The following VAV1 variants were observed in gnomAD, a reference collection of about 807,000 sequenced individuals.
The protein encoded by VAV1 is proto-oncogene vav.
In VAV1, 33 loss-of-function variants were observed where a neutral mutation model predicts 128.1. The ratio of observed to expected loss-of-function variants is 0.26; its 90% CI spans 0.20 to 0.34. The LOEUF is 0.34. Among genes scored for constraint, VAV1 ranks in the 10% least tolerant of loss-of-function variants. The pLI is 1.00. For missense variants in VAV1, 715 were observed against 1,093.7 expected, an observed-to-expected ratio of 0.65 and a Z score of 4.88; for synonymous variants, 394 against 409.8, an observed-to-expected ratio of 0.96 and a Z score of 0.47.
intron 9 of VAV1, among the ~76,000 whole-genome samples, chr19:6,827,756 G>A (rs1210634470): frequency 2.2e-5 from 2 of 92,608 alleles, no homozygotes; most frequent in Non-Finnish European, 4.0e-5. Flanking sequence ...CTGCCACCAC[G>A]CCAGCTATTT....
intron 14 of VAV1, among the ~76,000 whole-genome samples, chr19:6,831,558 C>T (rs888193290): frequency 6.6e-6 from 1 of 152,144 alleles, no homozygotes; most frequent in Non-Finnish European, 1.5e-5. Context: ...GTGATCCGCC[C>T]ACCTCAGCCT....
intron 1 of VAV1, among the ~76,000 whole-genome samples, chr19:6,776,224 C>T (rs1195060571): frequency 6.7e-6 from 1 of 150,064 alleles, no homozygotes; most frequent in African/African-American, 2.5e-5. Context: ...ATCCATTTAT[C>T]CATCCACTCA....
At chr19:6,792,177 T>A (rs1971032640) in intron 1 of VAV1, among the ~76,000 whole-genome samples, 1 of 151,612 alleles carries the variant, frequency 6.6e-6, no homozygotes, top group African/African-American at 2.4e-5. Context: ...CATAGTGAGA[T>A]CCCACCTCTA....
chr19:6,856,664 C>T (rs1246326852), intron 26 of VAV1, among the ~76,000 whole-genome samples: 1 of 137,852 alleles, frequency 7.3e-6, no homozygotes, highest in Non-Finnish European at 1.5e-5. Context: ...GTGGAGGTTG[C>T]AATAAGCTGA....
At chr19:6,832,438 G>A (rs115729063) in intron 15 of VAV1, among the ~76,000 whole-genome samples, 5,002 of 150,508 alleles carry the variant, frequency 0.033, 304 homozygotes, top group African/African-American at 0.12. Flanking sequence ...CCTCTTTCTT[G>A]TTCTCCTCTC....
At chr19:6,829,044 G>A (rs909579855) in intron 13 of VAV1, 144 bp downstream of exon 13, 6 of 942,824 alleles carry the variant, frequency 6.4e-6, no homozygotes, top group Admixed American at 4.7e-5. Flanking sequence ...GGACAGGTGG[G>A]TGGAGTCGAC....
At chr19:6,791,511 C>A (rs1181677246) in intron 1 of VAV1, among the ~76,000 whole-genome samples, 3 of 152,296 alleles carry the variant, frequency 2.0e-5, no homozygotes, top group Non-Finnish European at 4.4e-5. Context: ...GATATCTCCT[C>A]ATTTTGAGGT....
chr19:6,803,251 G>A (rs1222500697), intron 1 of VAV1, among the ~76,000 whole-genome samples: 2 of 152,180 alleles, frequency 1.3e-5, no homozygotes, highest in Non-Finnish European at 2.9e-5. Flanking sequence ...AATCAGGGTT[G>A]CAGTCATCTT....
intron 21 of VAV1, among the ~76,000 whole-genome samples, chr19:6,839,348 G>T (rs1029240805): frequency 1.3e-5 from 2 of 151,548 alleles, no homozygotes; most frequent in Admixed American, 6.6e-5. Flanking sequence ...GGTGAAATTT[G>T]CACAGCATAA....
rs61750003 is a variant in VAV1 at position 6,833,532 on chromosome 19, A to G, written c.1615A>G (p.Thr539Ala). Residue 539 changes from threonine (T) to alanine (A), a missense_variant, in exon 17 of 27, where the codon ACC becomes GCC. Physicochemically the swap from Thr to Ala is moderately conservative, Grantham distance 58. Around this residue, in one of 3 missense-constraint regions of VAV1, gnomAD observed 407 missense variants for 580.6 expected, o/e 0.70. Transcript: ENST00000602142. Reference sequence around the variant, plus strand: ...TATGTGTTCCCTGCATCTCAGAGGTACCTTCTATCAGGGCTACCGCTGCCA... The same window carrying G: ...TATGTGTTCCCTGCATCTCAGAGGTGCCTTCTATCAGGGCTACCGCTGCCA... ...CKACQMLLRG[T>A]FYQGYRCHRC... is the part of the protein sequence containing the mutation. 1,327 of 1,602,064 alleles carry G rather than the reference A, an allele frequency of 8.3e-4. 1 individual carries two copies. Among genetic ancestry groups the G allele is most frequent in the Non-Finnish European group, 1.1e-3 (1,288 of 1,173,138 alleles).
intron 1 of VAV1, among the ~76,000 whole-genome samples, chr19:6,796,826 T>C (rs1226609356): frequency 6.6e-6 from 1 of 152,216 alleles, no homozygotes; most frequent in Non-Finnish European, 1.5e-5. Context: ...AATACCTTCA[T>C]TGTCTTCCTT....
chr19:6,843,005 G>A, intron 21 of VAV1, 130 bp from the exon 22 acceptor site: 1 of 984,752 alleles, frequency 1.0e-6, no homozygotes, highest in Non-Finnish European at 1.6e-6. Context: ...GTACCACAGT[G>A]CCTGGCACAT....
At chr19:6,842,124 C>T (rs1244652938) in intron 21 of VAV1, among the ~76,000 whole-genome samples, 1 of 151,988 alleles carries the variant, frequency 6.6e-6, no homozygotes, top group African/African-American at 2.4e-5. Flanking sequence ...TACCTGTAAT[C>T]CCAGCTGAGG....
intron 1 of VAV1, among the ~76,000 whole-genome samples, chr19:6,803,075 T>C (rs1392027161): frequency 1.3e-5 from 2 of 152,238 alleles, no homozygotes; most frequent in Non-Finnish European, 2.9e-5. Context: ...AAGCCCTAAA[T>C]TGGGGCTCAG....
intron 1 of VAV1, among the ~76,000 whole-genome samples, chr19:6,806,150 G>A (rs975927166): frequency 7.9e-5 from 12 of 152,066 alleles, no homozygotes; most frequent in African/African-American, 2.2e-4. Context: ...ACAGTGGCAC[G>A]ATCTCGGCTC....
intron 1 of VAV1, among the ~76,000 whole-genome samples, chr19:6,800,617 T>A (rs1189066554): frequency 6.9e-6 from 1 of 144,218 alleles, no homozygotes; most frequent in East Asian, 2.1e-4. Context: ...GCTTCTTTTT[T>A]TTGTTTTGTT....
chr19:6,847,543 G>A (rs555326276), intron 22 of VAV1, among the ~76,000 whole-genome samples: 157 of 152,222 alleles, frequency 1.0e-3, no homozygotes, highest in Non-Finnish European at 1.5e-3. Context: ...TATTGTATTA[G>A]AATACTGTTT....
At chr19:6,843,480 T>TTTTG (rs1168084306) in intron 22 of VAV1, among the ~76,000 whole-genome samples, 5 of 152,206 alleles carry the variant, frequency 3.3e-5, no homozygotes, top group South Asian at 2.1e-4. Context: ...GGATTTTTTG[T>TTTTG]TTTGTTTGTT....
chr19:6,774,951 A>G, intron 1 of VAV1, among the ~76,000 whole-genome samples: 1 of 146,748 alleles, frequency 6.8e-6, no homozygotes, highest in Non-Finnish European at 1.5e-5. Flanking sequence ...TTTTTAGTAG[A>G]GATGGGGTTT....
Sources: gnomAD v4.1 joint callset for allele counts (sites outside exome capture counted in the v4.1 genomes callset) on GRCh38, gnomAD v4.1.1 for gene constraint, gnomAD v4.1.1 regional missense constraint, MANE v1.5 for transcripts, NCBI Gene and HGNC (gene_info 2026-07-23, HGNC 2026-07-21) for gene names.